The following DISP1 variants were observed in gnomAD, a reference collection of about 807,000 sequenced individuals.
The protein encoded by DISP1 is protein dispatched homolog 1.
In DISP1, 30 loss-of-function variants were observed where a neutral mutation model predicts 37.3. The ratio of observed to expected loss-of-function variants is 0.80; its 90% CI spans 0.60 to 1.09. The LOEUF (loss-of-function observed/expected upper bound fraction) is 1.09. Ranked by LOEUF, DISP1 falls within the 50% of genes least tolerant of loss-of-function variation. The pLI, the probability that DISP1 is intolerant of heterozygous loss-of-function variation, is 0.00. For missense variants in DISP1, 1,598 were observed against 1,879.5 expected (o/e 0.85, Z 2.77); for synonymous variants, 634 against 690.2 (o/e 0.92, Z 1.28).
At chr1:222,978,768 T>C (rs940235465) in intron 3 of DISP1, among the ~76,000 whole-genome samples, 13 of 152,250 alleles carry the variant, frequency 8.5e-5, no homozygotes, top group African/African-American at 3.1e-4. Flanking sequence ...CACCATTTAT[T>C]AAATAGGGAA....
At chr1:222,880,206 A>G (rs1334205743) in intron 1 of DISP1, among the ~76,000 whole-genome samples, 1 of 152,208 alleles carries the variant, frequency 6.6e-6, no homozygotes, top group African/African-American at 2.4e-5. Context: ...ATTAGTGGAG[A>G]AAAAGCAGGA....
intron 1 of DISP1, among the ~76,000 whole-genome samples, chr1:222,843,209 G>GCAGT (rs1400253036): frequency 6.6e-6 from 1 of 151,872 alleles, no homozygotes; most frequent in African/African-American, 2.4e-5. Flanking sequence ...TTTAAGAAAT[G>GCAGT]CAGTGTTATC....
intron 1 of DISP1, among the ~76,000 whole-genome samples, chr1:222,875,377 T>C (rs115762772): frequency 0.011 from 1,695 of 152,274 alleles, 27 homozygotes; most frequent in African/African-American, 0.039. Context: ...ACTTGTGTTT[T>C]TTTGTATGTG....
intron 2 of DISP1, among the ~76,000 whole-genome samples, chr1:222,936,876 T>TGTG (rs1558340308): frequency 9.6e-4 from 60 of 62,276 alleles, no homozygotes; most frequent in African/African-American, 3.5e-3. Flanking sequence ...ATATCATATA[T>TGTG]ATGATATATA....
At chr1:222,848,205 T>C (rs1330443538) in intron 1 of DISP1, among the ~76,000 whole-genome samples, 1 of 152,180 alleles carries the variant, frequency 6.6e-6, no homozygotes, top group Non-Finnish European at 1.5e-5. Context: ...GTTCTTTTTA[T>C]CTGTTTGTTT....
rs79232826 is a variant in DISP1 at position 222,974,051 on chromosome 1, C to T, written c.510-9029C>T. ...GTCATATTCAGCTAGTAGCAAGAAT[C>T]GGTTGATCTTGTTAAGTAAATCATA... On this transcript the variant is annotated intron_variant, in intron 3 of 8. Transcript: ENST00000675850. Among the ~76,000 whole-genome samples, 773 of 152,256 alleles carry T rather than the reference C, an allele frequency of 5.1e-3. 4 individuals are homozygous for T. The highest frequency in any genetic ancestry group is 0.017 in the African/African-American group (704 of 41,544).
rs1237016479 is a variant in DISP1 at position 222,991,653 on chromosome 1, C to T, written c.791+6C>T. ...GCAGATGAACAAGCCAAAAGGTAAT[C>T]AATTATTTATTTTTATATAACTTTT... On this transcript the variant is annotated splice_donor_region_variant and intron_variant, in intron 6 of 8. Coordinates refer to ENST00000675850, the MANE Select transcript of DISP1 (RefSeq NM_001377229.1). 6.2e-7 allele frequency: 1 copy of T among 1,610,884 alleles called. No homozygotes were observed.
In DISP1 at chr1:222,913,414, A is replaced by T. The variant is rs973982692; in HGVS notation, c.-158-15016A>T. ...TCTAGAATATGAACTTCCAAGTTAG[A>T]GTTTATTTGCAAAAGAAGTTGAATC... On this transcript the variant is annotated intron_variant, in intron 1 of 8. Coordinates refer to ENST00000675850, the MANE Select transcript of DISP1 (RefSeq NM_001377229.1). 3.9e-5 allele frequency among the ~76,000 whole-genome samples: 6 copies of T among 152,310 alleles called. No individual in the cohort carries two copies. The South Asian group carries it at 1.2e-3, about 32-fold the overall frequency.
chr1:222,943,622 A>G (rs1328792384), intron 3 of DISP1: 3 of 466,266 alleles, frequency 6.4e-6, no homozygotes, highest in Non-Finnish European at 1.2e-5. Context: ...AAAAAGTTTT[A>G]TTGTTAGCAA....
chr1:222,881,342 T>C (rs1278233086), intron 1 of DISP1, among the ~76,000 whole-genome samples: 2 of 152,138 alleles, frequency 1.3e-5, no homozygotes, highest in African/African-American at 4.8e-5. Flanking sequence ...ATTACAGGCA[T>C]GCGCCACCAC....
chr1:222,925,047 T>G (rs1673007245), intron 1 of DISP1, among the ~76,000 whole-genome samples: 1 of 152,122 alleles, frequency 6.6e-6, no homozygotes, highest in Admixed American at 6.6e-5. Flanking sequence ...TTCTTTTCAC[T>G]CTGAATAATA....
At chr1:222,844,146 G>T (rs1016036537) in intron 1 of DISP1, among the ~76,000 whole-genome samples, 12 of 152,120 alleles carry the variant, frequency 7.9e-5, no homozygotes, top group African/African-American at 2.4e-4. Context: ...GACCTGATGT[G>T]TTGAGGTTCC....
At chr1:222,875,164 T>C (rs1368160279) in intron 1 of DISP1, among the ~76,000 whole-genome samples, 1 of 152,004 alleles carries the variant, frequency 6.6e-6, no homozygotes, top group East Asian at 1.9e-4. Context: ...AAATTCATGA[T>C]GTGCCTTAAA....
intron 3 of DISP1, among the ~76,000 whole-genome samples, chr1:222,972,829 A>G (rs1677058337): frequency 6.6e-6 from 1 of 152,136 alleles, no homozygotes; most frequent in Non-Finnish European, 1.5e-5. Context: ...TCTGGAGGTC[A>G]TATTTTCCTG....
intron 1 of DISP1, among the ~76,000 whole-genome samples, chr1:222,825,092 G>A (rs1440560010): frequency 6.6e-6 from 1 of 150,898 alleles, no homozygotes. Context: ...GATGCTGAGG[G>A]TGGTTGCTGC....
In DISP1 at chr1:222,875,165, G is replaced by T. The variant is rs551663869; in HGVS notation, c.-158-53265G>T. 3.3e-5 allele frequency among the ~76,000 whole-genome samples: 5 copies of T among 152,104 alleles called. No homozygotes were observed. In the East Asian group the frequency reaches 9.7e-4, roughly 30 times the overall value. On this transcript the variant is annotated intron_variant, in intron 1 of 8. Coordinates refer to ENST00000675850, the MANE Select transcript of DISP1 (RefSeq NM_001377229.1). Reference sequence around the variant, plus strand: ...TTAGGTTGGGCCTTAAATTCATGATGTGCCTTAAATTTAGGTTTTTGCCTC... The same window carrying T: ...TTAGGTTGGGCCTTAAATTCATGATTTGCCTTAAATTTAGGTTTTTGCCTC...
chr1:223,002,285 T>C (rs1205203233), intron 8 of DISP1, 100 bp from the exon 9 acceptor site: 9 of 1,116,946 alleles, frequency 8.1e-6, no homozygotes, highest in Middle Eastern at 2.8e-4. Context: ...TTTGTAACTT[T>C]CCCTGTCCCT....
chr1:222,858,032 AACTAT>A (rs1461307221), intron 1 of DISP1, among the ~76,000 whole-genome samples: 1 of 152,200 alleles, frequency 6.6e-6, no homozygotes, highest in Non-Finnish European at 1.5e-5. Flanking sequence ...TCAGACTTCA[AACTAT>A]ACTATAAGGC....
rs111752505 is a variant in DISP1, at chr1:222,990,643, C to T, written c.558C>T (p.Ala186=). Reference sequence around the variant, plus strand: ...TTTGTAGTTATGCAGCCCTGATAGCCGACTGGCCGGTGGTGGTCTTGGGCA... The same window carrying T: ...TTTGTAGTTATGCAGCCCTGATAGCTGACTGGCCGGTGGTGGTCTTGGGCA... ...KLPKSYAALI[A]DWPVVVLGMC... The change falls in exon 5 of 9, where the codon GCC becomes GCT. Residue 186 remains alanine (A), a synonymous_variant. Coordinates refer to ENST00000675850, the MANE Select transcript of DISP1 (RefSeq NM_001377229.1). 176 of 1,614,040 alleles carry T rather than the reference C, an allele frequency of 1.1e-4. No homozygotes were observed. The Middle Eastern group carries it at 1.2e-3, about 11-fold the overall frequency.
Sources: gnomAD v4.1 joint callset for allele counts (sites outside exome capture counted in the v4.1 genomes callset) on GRCh38, gnomAD v4.1.1 for gene constraint, MANE v1.5 for transcripts, NCBI Gene and HGNC (gene_info 2026-07-23, HGNC 2026-07-21) for gene names.